ADGRD1: variants seen among roughly 807,000 people sequenced by gnomAD.
The protein encoded by ADGRD1 is adhesion G protein-coupled receptor D1, also known as G-protein coupled receptor 133.
In ADGRD1, 77 loss-of-function variants were observed where a neutral mutation model predicts 113.4. The observed-to-expected ratio is 0.68, with a 90% CI of 0.57 to 0.82. The LOEUF is 0.82. ADGRD1 is among the 40% of genes least tolerant of loss of function. ADGRD1 has a pLI of 0.00. For missense variants in ADGRD1, 1,036 were observed against 1,139.1 expected (o/e 0.91, Z 1.30); for synonymous variants, 474 against 475.0 (o/e 1.00, Z 0.03).
chr12:131,137,704 G>GTC, intron 23 of ADGRD1: 1 of 256,426 alleles, frequency 3.9e-6, no homozygotes, highest in Non-Finnish European at 7.7e-6. Flanking sequence ...CGGGCAGAAG[G>GTC]GCTGCATGAT....
intron 12 of ADGRD1, among the ~76,000 whole-genome samples, chr12:131,012,126 AT>A (rs898018786): frequency 6.6e-6 from 1 of 152,074 alleles, no homozygotes; most frequent in Non-Finnish European, 1.5e-5. Context: ...TGGAATGTTT[AT>A]GTACGTTCTG....
rs1887272528 is a variant in ADGRD1 at position 131,096,219 on chromosome 12, G to A, written c.1672-8612G>A. On this transcript the variant is annotated intron_variant, in intron 15 of 24. Coordinates refer to ENST00000261654, the MANE Select transcript of ADGRD1 (RefSeq NM_198827.5). This position sits in a 1 kb window ranked among gnomAD's most constrained non-coding sequence, Gnocchi z 5.2. ...CTTCCTTTAAACAAAGGGTAGTGAA[G>A]CATAAAGACTGCACCCTTTATTTTT... 6.6e-6 allele frequency among the ~76,000 whole-genome samples: 1 copy of A among 152,194 alleles called. No homozygotes were observed. The highest frequency in any genetic ancestry group is 2.4e-5 in the African/African-American group (1 of 41,446).
At chr12:131,020,725 G>A (rs1202247634) in intron 13 of ADGRD1, among the ~76,000 whole-genome samples, 1 of 152,214 alleles carries the variant, frequency 6.6e-6, no homozygotes, top group African/African-American at 2.4e-5. Context: ...TCCTTGTGCA[G>A]TGCGGGGGAC....
intron 17 of ADGRD1, among the ~76,000 whole-genome samples, chr12:131,106,905 T>C (rs1432810656): frequency 6.6e-6 from 1 of 152,224 alleles, no homozygotes; most frequent in Non-Finnish European, 1.5e-5. Context: ...GAGGATTCCT[T>C]ACAGTGCAGA....
At chr12:131,126,254 C>T (rs1191233024) in intron 20 of ADGRD1, among the ~76,000 whole-genome samples, 1 of 152,132 alleles carries the variant, frequency 6.6e-6, no homozygotes, top group African/African-American at 2.4e-5. Flanking sequence ...GAGTGGGTTT[C>T]TGATGAAAAG....
intron 12 of ADGRD1, among the ~76,000 whole-genome samples, chr12:131,012,277 A>ATTT (rs11414277): frequency 1.4e-5 from 2 of 147,356 alleles, no homozygotes; most frequent in East Asian, 3.9e-4. Context: ...CTTTCTTTTC[A>ATTT]TTTTTTTTTT....
chr12:130,996,919 A>T (rs1474221480), intron 8 of ADGRD1, among the ~76,000 whole-genome samples: 2 of 72,058 alleles, frequency 2.8e-5, no homozygotes, highest in African/African-American at 1.1e-4. Context: ...CGGGCAGAGG[A>T]GCCCCTCACC....
chr12:131,018,188 G>A (rs1002212953), intron 13 of ADGRD1, among the ~76,000 whole-genome samples: 3 of 152,072 alleles, frequency 2.0e-5, no homozygotes, highest in Admixed American at 6.6e-5. Context: ...CCGCTCTCCC[G>A]CCCAGGCAGC....
At chr12:131,101,377 C>CT (rs71095334) in intron 15 of ADGRD1, among the ~76,000 whole-genome samples, 5,778 of 36,056 alleles carry the variant, frequency 0.16, 1,022 homozygotes, top group East Asian at 0.23. Context: ...TTCTTTCTTT[C>CT]TTTTTTTTTT....
intron 21 of ADGRD1, among the ~76,000 whole-genome samples, chr12:131,133,147 G>A (rs1456477989): frequency 1.3e-5 from 2 of 152,044 alleles, no homozygotes; most frequent in East Asian, 1.9e-4. Flanking sequence ...TGGCCTGGCT[G>A]GGGAGGGACC....
chr12:131,138,094 C>T, intron 23 of ADGRD1, 43 bp from the exon 24 acceptor site: 2 of 1,517,830 alleles, frequency 1.3e-6, no homozygotes, highest in South Asian at 1.1e-5. Flanking sequence ...ACGGCTGTTG[C>T]AGCCTCTGAA....
intron 2 of ADGRD1, among the ~76,000 whole-genome samples, chr12:130,960,419 T>C (rs1441714016): frequency 6.6e-6 from 1 of 152,220 alleles, no homozygotes; most frequent in Non-Finnish European, 1.5e-5. Flanking sequence ...AGAAACTGGA[T>C]TCTTCATCTT....
intron 13 of ADGRD1, among the ~76,000 whole-genome samples, chr12:131,049,688 G>A (rs146821351): frequency 1.4e-4 from 22 of 152,310 alleles, no homozygotes; most frequent in Non-Finnish European, 2.6e-4. Context: ...GTGTGCTGCC[G>A]TCTGGGGTGC....
At chr12:131,005,946 C>T (rs377314715) in intron 11 of ADGRD1, 26 bp from the exon 12 acceptor site, 21 of 1,594,416 alleles carry the variant, frequency 1.3e-5, no homozygotes, top group African/African-American at 1.1e-4. Flanking sequence ...GCGCTGACAG[C>T]GCCTGCCCCT....
At position 131,084,425 on chromosome 12, in the gene ADGRD1, T is replaced by G. The variant is rs879087911; in HGVS notation, c.1548-115T>G. The G allele has an allele frequency of 5.0e-5, 54 of 1,082,946 alleles. No homozygotes were observed. The highest frequency in any genetic ancestry group is 1.8e-4 in the Admixed American group (10 of 54,074). The allele number at this position is 1,082,946 out of a possible 1,614,324, so 67.1% of individuals were successfully genotyped here. A position where few individuals can be genotyped will look rare whatever the true frequency, so the allele number is the denominator to read the frequency against. ...GGGTGTGCATTCCTGGCGTGGCAGG[T>G]GTGGGCGCCGCCATGAGTTCACGGG... On this transcript the variant is annotated intron_variant, in intron 14 of 24. Transcript: ENST00000261654. The surrounding 1 kb of genome is among the most constrained non-coding windows in gnomAD (Gnocchi z 4.5).
intron 8 of ADGRD1, chr12:130,994,343 C>T (rs1874903672): frequency 5.0e-6 from 2 of 401,068 alleles, no homozygotes; most frequent in South Asian, 3.6e-5. Flanking sequence ...CAGGCGGTGC[C>T]TTCTATGCAG....
At position 131,003,194 on chromosome 12, in the gene ADGRD1, G is replaced by C. The variant is rs764133268; in HGVS notation, c.1036G>C (p.Val346Leu). Residue 346 changes from valine (V) to leucine (L), a missense_variant, in exon 10 of 25, where the codon GTG becomes CTG. Val to Leu is a conservative substitution (Grantham distance 32). Coordinates refer to ENST00000261654, the MANE Select transcript of ADGRD1 (RefSeq NM_198827.5). The surrounding 1 kb of genome is among the most constrained non-coding windows in gnomAD (Gnocchi z 4.8). ...GCTTGTGTTGCTGCAGGACAGCGCC[G>C]TGGTACTGAGTCTCATCGACACTAT... ...GWIALSEDSA[V>L]VLSLIDTIDT... The C allele has an allele frequency of 6.2e-7, 1 of 1,613,158 alleles. No homozygotes were observed. Among genetic ancestry groups the C allele is most frequent in the Non-Finnish European group, 8.5e-7 (1 of 1,179,336 alleles).
rs879043478 is a variant in ADGRD1, at chr12:131,030,171, A to G, written c.1473+15831A>G. Among the ~76,000 whole-genome samples, 7 of 125,624 alleles carry G rather than the reference A, an allele frequency of 5.6e-5. No homozygotes were observed. The South Asian group carries it at 1.7e-3, about 31-fold the overall frequency. 82.4% of individuals were successfully genotyped at this position (125,624 alleles called of 152,430 possible). A position where few individuals can be genotyped will look rare whatever the true frequency, so the allele number is the denominator to read the frequency against. On this transcript the variant is annotated intron_variant, in intron 13 of 24. Transcript: ENST00000261654. ...TGGGGTTAGGTTGTGGACCCGTCGT[A>G]TGGTGACATTCCCAGGCTCTGGGGT...
At chr12:130,995,420 CTT>C (rs768110330) in intron 8 of ADGRD1, among the ~76,000 whole-genome samples, 1 of 152,244 alleles carries the variant, frequency 6.6e-6, no homozygotes, top group Non-Finnish European at 1.5e-5. Flanking sequence ...AGCTTGGTCA[CTT>C]TTACTTTCCT....
Sources: gnomAD v4.1 joint callset for allele counts (sites outside exome capture counted in the v4.1 genomes callset) on GRCh38, gnomAD v4.1.1 for gene constraint, Gnocchi (gnomAD v3.1) non-coding constraint, MANE v1.5 for transcripts, NCBI Gene and HGNC (gene_info 2026-07-23, HGNC 2026-07-21) for gene names.